RELN: variants seen among roughly 807,000 people sequenced by gnomAD.
RELN encodes the protein reelin.
A neutral mutation model predicts 427.6 loss-of-function variants in RELN; 108 were observed. That is an observed-to-expected ratio of 0.25 (90% CI 0.22 to 0.30). The LOEUF (loss-of-function observed/expected upper bound fraction) is 0.30. RELN is among the 10% of genes least tolerant of loss of function. The probability of loss-of-function intolerance (pLI) is 1.00; values close to 1 mark genes in which losing one functional copy is unlikely to be tolerated. For missense variants in RELN, 3,715 were observed against 4,302.8 expected (o/e 0.86, Z 3.82); for synonymous variants, 1,524 against 1,513.4 (o/e 1.01, Z -0.16).
chr7:103,879,743 A>G (rs1794563829), intron 2 of RELN, among the ~76,000 whole-genome samples: 1 of 152,170 alleles, frequency 6.6e-6, no homozygotes, highest in South Asian at 2.1e-4. Flanking sequence ...GTGTTTTCTA[A>G]TGTTTGGATA....
At chr7:103,611,496 ACT>A (rs1831954865) in intron 21 of RELN, 113 bp downstream of exon 21, 2 of 771,970 alleles carry the variant, frequency 2.6e-6, no homozygotes, top group African/African-American at 1.8e-5. Context: ...ATTAAATAAC[ACT>A]GTTTCTTTTC....
At chr7:103,753,783 C>G (rs1791064698) in intron 4 of RELN, among the ~76,000 whole-genome samples, 1 of 152,082 alleles carries the variant, frequency 6.6e-6, no homozygotes. Flanking sequence ...CTGCAAAAAC[C>G]TACAAGAAAA....
At chr7:103,766,460 A>C (rs756802902) in intron 4 of RELN, among the ~76,000 whole-genome samples, 1 of 152,242 alleles carries the variant, frequency 6.6e-6, no homozygotes, top group Non-Finnish European at 1.5e-5. Flanking sequence ...ATATTTAGTA[A>C]TATAAGCTGT....
At chr7:103,955,204 C>T (rs775167764) in intron 1 of RELN, among the ~76,000 whole-genome samples, 15 of 152,174 alleles carry the variant, frequency 9.9e-5, no homozygotes, top group Non-Finnish European at 1.3e-4. Flanking sequence ...ATCTATGAGA[C>T]CTTGAGTGAT....
At chr7:103,585,880 T>C (rs1395329542) in intron 28 of RELN, among the ~76,000 whole-genome samples, 1 of 152,186 alleles carries the variant, frequency 6.6e-6, no homozygotes, top group African/African-American at 2.4e-5. Context: ...GTTTATTCCA[T>C]GGATGTAAGG....
chr7:103,948,332 ATGTC>A (rs1269656530), intron 1 of RELN, among the ~76,000 whole-genome samples: 1 of 152,124 alleles, frequency 6.6e-6, no homozygotes, highest in East Asian at 1.9e-4. Flanking sequence ...ATACTTAAGT[ATGTC>A]TATTTTTTTA....
intron 10 of RELN, among the ~76,000 whole-genome samples, chr7:103,694,047 C>G (rs1216959166): frequency 6.6e-6 from 1 of 152,144 alleles, no homozygotes; most frequent in Non-Finnish European, 1.5e-5. Flanking sequence ...AGTGTTTGGG[C>G]TGCACTTGCT....
rs141993787 is a variant in RELN, at chr7:103,491,311, G to C, written c.9444-482C>G. Reference sequence around the variant, plus strand: ...TTCACTGATTAAAGTTTTTGTTAGAGGTAGTTGAAAATGAGTAACATGAAT... The same window carrying C: ...TTCACTGATTAAAGTTTTTGTTAGACGTAGTTGAAAATGAGTAACATGAAT... On this transcript the variant is annotated intron_variant, in intron 58 of 64. Transcript: ENST00000428762. 4.3e-4 allele frequency among the ~76,000 whole-genome samples: 65 copies of C among 152,222 alleles called. 2 individuals carry two copies. In the East Asian group the frequency reaches 0.012, roughly 28 times the overall value.
At chr7:103,587,868 C>CA (rs1220682436) in intron 28 of RELN, among the ~76,000 whole-genome samples, 3 of 151,806 alleles carry the variant, frequency 2.0e-5, no homozygotes, top group African/African-American at 7.2e-5. Flanking sequence ...ATTCAAAAGA[C>CA]AAAAAACAAA....
intron 4 of RELN, among the ~76,000 whole-genome samples, chr7:103,759,868 G>A (rs2116122844): frequency 6.6e-6 from 1 of 151,972 alleles, no homozygotes; most frequent in Middle Eastern, 3.4e-3. Context: ...TCTTGCATTA[G>A]CACCAGCTGA....
At chr7:103,848,423 T>C (rs917831025) in intron 2 of RELN, among the ~76,000 whole-genome samples, 1 of 152,188 alleles carries the variant, frequency 6.6e-6, no homozygotes, top group Non-Finnish European at 1.5e-5. Context: ...GAAGTAAACT[T>C]GGGTGTTGCC....
At chr7:103,596,745 A>T in intron 24 of RELN, 84 bp from the exon 25 acceptor site, 1 of 1,132,848 alleles carries the variant, frequency 8.8e-7, no homozygotes, top group East Asian at 2.4e-5. Flanking sequence ...TCACATGGAC[A>T]TCTTAGCACT....
chr7:103,713,745 A>C (rs1014003973), intron 8 of RELN, among the ~76,000 whole-genome samples: 2 of 152,070 alleles, frequency 1.3e-5, no homozygotes, highest in African/African-American at 4.8e-5. Flanking sequence ...TACCTCCCCA[A>C]AATTAAGAAA....
At chr7:103,647,129 C>T (rs2191702) in intron 16 of RELN, among the ~76,000 whole-genome samples, 112,453 of 151,844 alleles carry the variant, frequency 0.74, 42,263 homozygotes, top group African/African-American at 0.86. Context: ...AGTCAAAGCA[C>T]TCCCTCTAAG....
rs557930688 is a variant in RELN at position 103,697,807 on chromosome 7, G to A, written c.1143+46C>T. The A allele has an allele frequency of 1.7e-5, 27 of 1,612,450 alleles. No individual in the cohort carries two copies. In the African/African-American group the frequency reaches 3.3e-4, roughly 20 times the overall value. ...GTTTATTGAGCTTCACTTTTAGAAA[G>A]GAGATGAAGGATTAAAACAACCCAA... On this transcript the variant is annotated intron_variant, in intron 10 of 64. Coordinates refer to ENST00000428762, the MANE Select transcript of RELN (RefSeq NM_005045.4).
chr7:103,810,411 G>A (rs560152461), intron 3 of RELN, among the ~76,000 whole-genome samples: 121 of 152,120 alleles, frequency 8.0e-4, no homozygotes, highest in African/African-American at 2.9e-3. Flanking sequence ...CAATCATCAC[G>A]ACCTAAAGTT....
intron 2 of RELN, among the ~76,000 whole-genome samples, chr7:103,834,207 C>T (rs1793345850): frequency 6.6e-6 from 1 of 152,194 alleles, no homozygotes; most frequent in Non-Finnish European, 1.5e-5. Flanking sequence ...AGTCTTTTCA[C>T]TGAGTATCTT....
chr7:103,684,903 A>G (rs980435147), intron 10 of RELN, among the ~76,000 whole-genome samples: 2 of 152,162 alleles, frequency 1.3e-5, no homozygotes, highest in Admixed American at 6.6e-5. Flanking sequence ...ATTTTAAACT[A>G]TTTTTCATCA....
chr7:103,846,395 C>G (rs985318598), intron 2 of RELN, among the ~76,000 whole-genome samples: 1 of 152,114 alleles, frequency 6.6e-6, no homozygotes, highest in East Asian at 1.9e-4. Context: ...TGAAACTGGA[C>G]CCCTTCCTTA....
Sources: gnomAD v4.1 joint callset for allele counts (sites outside exome capture counted in the v4.1 genomes callset) on GRCh38, gnomAD v4.1.1 for gene constraint, MANE v1.5 for transcripts, NCBI Gene and HGNC (gene_info 2026-07-23, HGNC 2026-07-21) for gene names.